Variants in FRMD6 observed in about 807,000 individuals in gnomAD.
FRMD6 encodes the protein FERM domain containing 6, also known as FERM domain-containing protein 6.
A neutral mutation model predicts 73.2 loss-of-function variants in FRMD6; 37 were observed. The ratio of observed to expected loss-of-function variants is 0.51; its 90% CI spans 0.39 to 0.66. The LOEUF is 0.66. FRMD6 is among the 30% of genes least tolerant of loss of function. The probability of loss-of-function intolerance (pLI) is 0.00; values close to 1 mark genes in which losing one functional copy is unlikely to be tolerated. For synonymous variants in FRMD6, 273 were observed against 282.2 expected (o/e 0.97, Z 0.33); for missense variants, 714 against 780.5 (o/e 0.91, Z 1.02).
At chr14:51,497,786 G>C (rs1451829070) in intron 1 of FRMD6, among the ~76,000 whole-genome samples, 2 of 152,122 alleles carry the variant, frequency 1.3e-5, no homozygotes, top group African/African-American at 4.8e-5. Flanking sequence ...GTGCCCAGTA[G>C]CTACACATCA....
At chr14:51,499,627 T>C (rs1883489448) in intron 1 of FRMD6, among the ~76,000 whole-genome samples, 1 of 152,178 alleles carries the variant, frequency 6.6e-6, no homozygotes, top group Admixed American at 6.5e-5. Context: ...TTCTAATCAC[T>C]GTCCCACAGC....
intron 2 of FRMD6, among the ~76,000 whole-genome samples, chr14:51,593,699 G>A (rs767102672): frequency 2.6e-5 from 4 of 152,114 alleles, no homozygotes; most frequent in Non-Finnish European, 4.4e-5. Flanking sequence ...GCTGGAGTTC[G>A]TGGGCTTCAT....
Position 51,616,223 on chromosome 14 carries a change from G to A in FRMD6, c.-147+45813G>A, listed in dbSNP as rs149949931. ...TGGGAGGTGATGTTATTAGCTTAAA[G>A]CAATGGCTCTAATCCTCGGCTGTAC... On this transcript the variant is annotated intron_variant, in intron 2 of 14. Coordinates refer to the FRMD6 transcript ENST00000356218. Among the ~76,000 whole-genome samples the A allele has an allele frequency of 2.1e-3, 322 of 152,284 alleles. 1 individual carries two copies. Among genetic ancestry groups the A allele is most frequent in the African/African-American group, 7.4e-3 (307 of 41,560 alleles).
intron 6 of FRMD6, among the ~76,000 whole-genome samples, chr14:51,705,318 A>G (rs1896560938): frequency 6.6e-6 from 1 of 152,044 alleles, no homozygotes; most frequent in East Asian, 1.9e-4. Context: ...CTGCGAGAAC[A>G]AGTATGTCAA....
the FRMD6 span, among the ~76,000 whole-genome samples, chr14:51,476,377 G>A: frequency 6.6e-6 from 1 of 152,214 alleles, no homozygotes; most frequent in Non-Finnish European, 1.5e-5. Flanking sequence ...AATTGCAGCA[G>A]TTGGAGCAGG....
chr14:51,485,268 T>C (rs1882741124), upstream of FRMD6, among the ~76,000 whole-genome samples: 1 of 152,210 alleles, frequency 6.6e-6, no homozygotes, highest in South Asian at 2.1e-4. Flanking sequence ...TCAAGTCAAC[T>C]CTGCTGGTCA....
At chr14:51,720,629 C>G in intron 11 of FRMD6, 5 of 529,642 alleles carry the variant, frequency 9.4e-6, no homozygotes, top group South Asian at 8.7e-5. Context: ...TCAGTCTTAG[C>G]TGTTTCTATG....
At chr14:51,500,022 G>C (rs1200886314) in intron 1 of FRMD6, among the ~76,000 whole-genome samples, 1 of 152,172 alleles carries the variant, frequency 6.6e-6, no homozygotes, top group Non-Finnish European at 1.5e-5. Flanking sequence ...ACATAGTTTA[G>C]CTCCTGCTAC....
intron 1 of FRMD6, among the ~76,000 whole-genome samples, chr14:51,562,073 C>T (rs761900680): frequency 1.3e-4 from 20 of 152,140 alleles, no homozygotes; most frequent in Non-Finnish European, 1.9e-4. Flanking sequence ...GGCCCAAGTC[C>T]GGCATCAATT....
chr14:51,428,196 A>G, the FRMD6 span, among the ~76,000 whole-genome samples: 1 of 152,188 alleles, frequency 6.6e-6, no homozygotes, highest in Non-Finnish European at 1.5e-5. Context: ...TGAACTTCCT[A>G]GGTCAGTGAT....
At chr14:51,646,677 T>G (rs1001382553) in intron 2 of FRMD6, among the ~76,000 whole-genome samples, 10 of 151,246 alleles carry the variant, frequency 6.6e-5, no homozygotes, top group African/African-American at 2.4e-4. Context: ...TTTCATACTG[T>G]AGGGAATCCA....
chr14:51,531,669 A>G (rs1885590907), intron 1 of FRMD6, among the ~76,000 whole-genome samples: 1 of 152,250 alleles, frequency 6.6e-6, no homozygotes, highest in South Asian at 2.1e-4. Context: ...TTCTTCCCGT[A>G]CTCAACAACT....
intron 1 of FRMD6, among the ~76,000 whole-genome samples, chr14:51,489,924 A>G (rs1010706547): frequency 2.6e-5 from 4 of 152,256 alleles, no homozygotes; most frequent in Non-Finnish European, 5.9e-5. Flanking sequence ...GAAGTTATTA[A>G]GAGTCTGGGA....
At chr14:51,723,294 T>G (rs1897731787) in intron 12 of FRMD6, among the ~76,000 whole-genome samples, 1 of 152,170 alleles carries the variant, frequency 6.6e-6, no homozygotes. Context: ...CTAAAAACTG[T>G]GTATGCCGCA....
chr14:51,677,505 G>A (rs1894472436), intron 1 of FRMD6, among the ~76,000 whole-genome samples: 1 of 152,054 alleles, frequency 6.6e-6, no homozygotes, highest in South Asian at 2.1e-4. Context: ...AGCACTTTTT[G>A]TTGGCGATGT....
At chr14:51,687,850 C>T (rs1895275563) in intron 1 of FRMD6, among the ~76,000 whole-genome samples, 1 of 151,888 alleles carries the variant, frequency 6.6e-6, no homozygotes, top group African/African-American at 2.4e-5. Flanking sequence ...TACTTTTTCC[C>T]AATTCTCTAT....
chr14:51,589,043 A>G (rs1013176477), intron 2 of FRMD6, among the ~76,000 whole-genome samples: 2 of 152,234 alleles, frequency 1.3e-5, no homozygotes, highest in Non-Finnish European at 2.9e-5. Context: ...CTCACAGTTG[A>G]TAATGGGAAG....
At chr14:51,606,023 T>C (rs531645599) in intron 2 of FRMD6, among the ~76,000 whole-genome samples, 1 of 152,224 alleles carries the variant, frequency 6.6e-6, no homozygotes, top group East Asian at 1.9e-4. Flanking sequence ...GTATGATGGG[T>C]TAGTTTCTGA....
chr14:51,480,166 A>G, the FRMD6 span, among the ~76,000 whole-genome samples: 1 of 152,178 alleles, frequency 6.6e-6, no homozygotes, highest in Non-Finnish European at 1.5e-5. Context: ...AGATGGAGCC[A>G]AGGTGCTAAG....
Sources: gnomAD v4.1 joint callset for allele counts (sites outside exome capture counted in the v4.1 genomes callset) on GRCh38, gnomAD v4.1.1 for gene constraint, MANE v1.5 for transcripts, NCBI Gene and HGNC (gene_info 2026-07-23, HGNC 2026-07-21) for gene names.